Variants in SCFD2 observed in about 807,000 individuals in gnomAD.
SCFD2 encodes sec1 family domain-containing protein 2.
A neutral mutation model predicts 58.9 loss-of-function variants in SCFD2; 54 were observed. That is an observed-to-expected ratio of 0.92 (90% CI 0.74 to 1.15). The LOEUF (loss-of-function observed/expected upper bound fraction) is 1.15. SCFD2 is among the 50% of genes most tolerant of loss of function. The pLI, the probability that SCFD2 is intolerant of heterozygous loss-of-function variation, is 0.00. For missense variants in SCFD2, 805 were observed against 836.6 expected, an observed-to-expected ratio of 0.96 and a Z score of 0.47; for synonymous variants, 321 against 335.9, an observed-to-expected ratio of 0.96 and a Z score of 0.49.
chr4:52,954,188 C>T (rs944722782), intron 5 of SCFD2, among the ~76,000 whole-genome samples: 17 of 152,218 alleles, frequency 1.1e-4, no homozygotes, highest in Non-Finnish European at 2.5e-4. Context: ...CTTTCTGTCA[C>T]CACAACCTCC....
At chr4:53,246,449 C>A (rs1269722052) in intron 4 of SCFD2, among the ~76,000 whole-genome samples, 1 of 152,186 alleles carries the variant, frequency 6.6e-6, no homozygotes, top group Non-Finnish European at 1.5e-5. Flanking sequence ...TTAAACTATA[C>A]TATAAGGCTA....
At chr4:53,208,467 A>C (rs764500472) in intron 4 of SCFD2, among the ~76,000 whole-genome samples, 3 of 152,154 alleles carry the variant, frequency 2.0e-5, no homozygotes, top group Non-Finnish European at 2.9e-5. Flanking sequence ...ATCTGTGACA[A>C]TGTTATTATA....
chr4:52,900,925 C>T (rs187400804), intron 7 of SCFD2, among the ~76,000 whole-genome samples: 8 of 152,302 alleles, frequency 5.3e-5, no homozygotes, highest in East Asian at 1.9e-4. Flanking sequence ...GCTCCGCGGG[C>T]GCAGGACCCT....
intron 4 of SCFD2, among the ~76,000 whole-genome samples, chr4:53,225,781 G>A (rs1729193226): frequency 2.0e-5 from 3 of 152,148 alleles, no homozygotes; most frequent in Admixed American, 2.0e-4. Flanking sequence ...GCAGCATTTA[G>A]TTCTAGAACC....
chr4:52,956,285 T>C (rs1243202042), intron 5 of SCFD2: 1 of 456,126 alleles, frequency 2.2e-6, no homozygotes, highest in African/African-American at 2.0e-5. Context: ...AGGGGAGCGG[T>C]GGCTGAGGAA....
intron 1 of SCFD2, among the ~76,000 whole-genome samples, chr4:53,363,983 T>G (rs1229412855): frequency 6.6e-6 from 1 of 152,184 alleles, no homozygotes; most frequent in Non-Finnish European, 1.5e-5. Flanking sequence ...CTTTGCTACA[T>G]TTTTGGCATA....
chr4:52,970,352 A>G (rs1014763390), intron 5 of SCFD2, among the ~76,000 whole-genome samples: 4 of 152,276 alleles, frequency 2.6e-5, no homozygotes, highest in Non-Finnish European at 5.9e-5. Context: ...CTTAGCAAAC[A>G]GCACACCAGG....
intron 5 of SCFD2, among the ~76,000 whole-genome samples, chr4:53,134,096 A>G (rs1037207324): frequency 2.6e-5 from 4 of 152,232 alleles, no homozygotes; most frequent in Non-Finnish European, 5.9e-5. Flanking sequence ...ACGGGCACAT[A>G]CTGTGTGATT....
intron 4 of SCFD2, among the ~76,000 whole-genome samples, chr4:53,238,948 C>G (rs1729789171): frequency 6.6e-6 from 1 of 152,142 alleles, no homozygotes; most frequent in East Asian, 1.9e-4. Context: ...TCCTCACTTC[C>G]CAGACGGGGT....
intron 3 of SCFD2, among the ~76,000 whole-genome samples, chr4:53,279,001 C>T (rs1384380683): frequency 6.6e-6 from 1 of 151,520 alleles, no homozygotes; most frequent in African/African-American, 2.4e-5. Flanking sequence ...GTAAGACTAA[C>T]CACTGAAGTA....
chr4:53,054,527 C>A (rs1461653186), intron 5 of SCFD2, among the ~76,000 whole-genome samples: 3 of 148,604 alleles, frequency 2.0e-5, no homozygotes, highest in South Asian at 2.1e-4. Flanking sequence ...TAGCAAAGAA[C>A]AAGAGGACAT....
intron 5 of SCFD2, chr4:52,948,327 A>C: frequency 3.4e-6 from 1 of 290,564 alleles, no homozygotes; most frequent in South Asian, 3.2e-5. Context: ...ATGAGCCCCC[A>C]AAGACCGGGA....
At chr4:53,235,201 G>A (rs1459095423) in intron 4 of SCFD2, among the ~76,000 whole-genome samples, 1 of 152,234 alleles carries the variant, frequency 6.6e-6, no homozygotes, top group Non-Finnish European at 1.5e-5. Context: ...AAGGGTAACT[G>A]GGAAGCACAT....
In SCFD2 at chr4:53,267,099, C is replaced by CT. The variant is rs1313343108; in HGVS notation, c.1311+6726dup. Among the ~76,000 whole-genome samples, 7 of 151,874 alleles carry CT rather than the reference C, an allele frequency of 4.6e-5. No individual in the cohort carries two copies. The East Asian group carries it at 1.3e-3, about 29-fold the overall frequency. On this transcript the variant is annotated intron_variant, in intron 4 of 8. Transcript: ENST00000401642. ...AATTGTAGATTTCTAAGACCGATTTCTTTTTTTTAGCTAAGGTTGTCTATA... is the reference window on the plus strand; with the variant it reads ...AATTGTAGATTTCTAAGACCGATTTCTTTTTTTTTAGCTAAGGTTGTCTATA...
In SCFD2 at chr4:52,875,528, C is replaced by T. The variant is rs560991844; in HGVS notation, c.1963-1467G>A. Among the ~76,000 whole-genome samples the T allele has an allele frequency of 2.0e-5, 3 of 151,916 alleles. No individual in the cohort carries two copies. The East Asian group carries it at 5.8e-4, about 30-fold the overall frequency. On this transcript the variant is annotated intron_variant, in intron 8 of 8. Transcript: ENST00000401642. ...GCTCCTTTGGAGTGGTGCAAGTGGGCCCACACACTTTACTATCCTCCTTGC... is the reference window on the plus strand; with the variant it reads ...GCTCCTTTGGAGTGGTGCAAGTGGGTCCACACACTTTACTATCCTCCTTGC...
intron 5 of SCFD2, among the ~76,000 whole-genome samples, chr4:53,097,727 C>T (rs1309620352): frequency 2.0e-5 from 3 of 152,174 alleles, no homozygotes; most frequent in African/African-American, 7.2e-5. Flanking sequence ...TGCCTGATTG[C>T]CCTGGCCAGA....
chr4:52,888,012 G>A (rs997031598), intron 7 of SCFD2, among the ~76,000 whole-genome samples: 6 of 141,454 alleles, frequency 4.2e-5, no homozygotes, highest in Admixed American at 7.4e-5. Flanking sequence ...CCGGGTTCAC[G>A]CCATTCTCCT....
At chr4:53,247,885 A>T (rs867308204) in intron 4 of SCFD2, among the ~76,000 whole-genome samples, 2,523 of 150,852 alleles carry the variant, frequency 0.017, 78 homozygotes, top group African/African-American at 0.058. Context: ...AAAAAAAAAA[A>T]AAAAAAAATA....
intron 5 of SCFD2, among the ~76,000 whole-genome samples, chr4:52,931,509 C>A (rs992046651): frequency 1.8e-4 from 28 of 152,216 alleles, no homozygotes; most frequent in Middle Eastern, 3.2e-3. Flanking sequence ...CTTCTTGTTT[C>A]CCACCACCCC....
Sources: allele counts gnomAD v4.1 joint callset (sites outside exome capture counted in the v4.1 genomes callset), GRCh38; gene constraint gnomAD v4.1.1; transcripts MANE v1.5; gene names NCBI Gene and HGNC (gene_info 2026-07-23, HGNC 2026-07-21).